RASAL2: variants seen among roughly 807,000 people sequenced by gnomAD.
RASAL2 encodes RAS protein activator like 2.
RASAL2 carries 58 observed loss-of-function variants against 128.9 expected under a neutral mutation model. The observed-to-expected ratio is 0.45, with a 90% CI of 0.36 to 0.56. RASAL2 has a LOEUF of 0.56. Ranked by LOEUF, RASAL2 falls within the 20% of genes least tolerant of loss-of-function variation. The probability of loss-of-function intolerance (pLI) is 0.00; values close to 1 mark genes in which losing one functional copy is unlikely to be tolerated. For synonymous variants in RASAL2, 561 were observed against 580.8 expected, an observed-to-expected ratio of 0.97 and a Z score of 0.49; for missense variants, 1,360 against 1,601.6, an observed-to-expected ratio of 0.85 and a Z score of 2.57.
intron 4 of RASAL2, among the ~76,000 whole-genome samples, chr1:178,411,325 C>T (rs973016199): frequency 2.0e-5 from 3 of 152,118 alleles, no homozygotes; most frequent in Non-Finnish European, 4.4e-5. Flanking sequence ...TGTATGTTCT[C>T]ACTTATAAGT....
At chr1:178,223,607 G>A (rs1663690733) in intron 1 of RASAL2, among the ~76,000 whole-genome samples, 1 of 152,136 alleles carries the variant, frequency 6.6e-6, no homozygotes, top group Non-Finnish European at 1.5e-5. Flanking sequence ...GGAAACCATT[G>A]AATAGTTCCA....
chr1:178,451,481 A>G, intron 9 of RASAL2, 90 bp from the exon 10 acceptor site: 1 of 1,332,686 alleles, frequency 7.5e-7, no homozygotes. Flanking sequence ...ATTCCCCATT[A>G]TACGTTTTAG....
At chr1:178,301,194 A>T (rs1050149492) in intron 3 of RASAL2, among the ~76,000 whole-genome samples, 1 of 152,116 alleles carries the variant, frequency 6.6e-6, no homozygotes, top group Non-Finnish European at 1.5e-5. Flanking sequence ...ACTTTTTTCC[A>T]AGGAGCCACC....
intron 1 of RASAL2, among the ~76,000 whole-genome samples, chr1:178,122,804 T>G (rs963409274): frequency 3.3e-5 from 5 of 151,336 alleles, no homozygotes; most frequent in Non-Finnish European, 7.4e-5. Context: ...GCCTAGCTAT[T>G]CATCATAAAA....
At chr1:178,145,566 A>AAG (rs1660706102) in intron 1 of RASAL2, among the ~76,000 whole-genome samples, 1 of 151,410 alleles carries the variant, frequency 6.6e-6, no homozygotes, top group Admixed American at 6.6e-5. Flanking sequence ...AAAAAAAAAA[A>AAG]AAAAGGGGGA....
rs867288355 is a variant in RASAL2 at position 178,378,855 on chromosome 1, A to G, written c.458-11245A>G. 2.6e-5 allele frequency among the ~76,000 whole-genome samples: 4 copies of G among 152,284 alleles called. No homozygotes were observed. In the South Asian group the frequency reaches 8.3e-4, roughly 32 times the overall value. ...AATCAATGAGCTAAGCGTTTAACTC[A>G]ACAAGTTAGATAATAACAAACCCAA... On this transcript the variant is annotated intron_variant, in intron 3 of 17. Transcript: ENST00000367649.
At chr1:178,356,309 G>A (rs1670809197) in intron 3 of RASAL2, among the ~76,000 whole-genome samples, 1 of 152,006 alleles carries the variant, frequency 6.6e-6, no homozygotes, top group African/African-American at 2.4e-5. Flanking sequence ...GTAAAAACTT[G>A]TACAGTTTCA....
rs201841559 is a variant in RASAL2, at chr1:178,465,802, T to TAA, written c.3388-111_3388-110dup. ...CTACACTGCTTAGGGTTTCTTTTGTTAAAAAAAAGAAAAAAGAAAAAGAAA... is the reference window on the plus strand; with the variant it reads ...CTACACTGCTTAGGGTTTCTTTTGTTAAAAAAAAAAGAAAAAAGAAAAAGAAA... On this transcript the variant is annotated intron_variant, in intron 15 of 17. Coordinates refer to ENST00000367649, the MANE Select transcript of RASAL2 (RefSeq NM_170692.4). 2.5e-4 allele frequency: 245 copies of TAA among 985,592 alleles called. 1 individual carries two copies. In the African/African-American group the frequency reaches 3.6e-3, roughly 15 times the overall value. 61.1% of individuals were successfully genotyped at this position (985,592 alleles called of 1,614,324 possible).
At chr1:178,454,196 T>TAAAAAAAAAA (rs56786408) in intron 11 of RASAL2, among the ~76,000 whole-genome samples, 1 of 80,236 alleles carries the variant, frequency 1.2e-5, no homozygotes, top group Admixed American at 1.3e-4. Context: ...ATCCCAGAAC[T>TAAAAAAAAAA]AAAAAAAAAA....
chr1:178,217,451 A>G (rs1663460064), intron 1 of RASAL2, among the ~76,000 whole-genome samples: 1 of 152,210 alleles, frequency 6.6e-6, no homozygotes, highest in South Asian at 2.1e-4. Context: ...ATCACCACCC[A>G]AAGTTCATAA....
intron 4 of RASAL2, among the ~76,000 whole-genome samples, chr1:178,394,748 A>G (rs1318860646): frequency 1.3e-5 from 2 of 152,238 alleles, no homozygotes; most frequent in Non-Finnish European, 2.9e-5. Context: ...TCCAGAAAGC[A>G]TAATTGAACT....
At chr1:178,470,788 T>G (rs1648185453) in intron 17 of RASAL2, 1 of 1,228,604 alleles carries the variant, frequency 8.1e-7, no homozygotes, top group Non-Finnish European at 1.1e-6. Context: ...TGCACTGGCC[T>G]CCTACACATT....
In RASAL2 at chr1:178,094,269, C is replaced by T. The variant is rs1444868092; in HGVS notation, c.-224C>T. On this transcript the variant is annotated 5_prime_UTR_variant, in exon 1 of 18. Coordinates refer to ENST00000367649, the MANE Select transcript of RASAL2 (RefSeq NM_170692.4). ...CTTGGTCGGGGCCACGCTGGATCCT[C>T]CTCCCGGCCTGGGTCCCGCCCGCCG... is the stretch of plus-strand genomic sequence containing the variant. 5.6e-6 allele frequency: 3 copies of T among 538,010 alleles called. No individual in the cohort carries two copies. Among genetic ancestry groups the T allele is most frequent in the Non-Finnish European group, 3.2e-6 (1 of 310,528 alleles). 33.3% of individuals were successfully genotyped at this position (538,010 alleles called of 1,614,324 possible).
intron 9 of RASAL2, among the ~76,000 whole-genome samples, chr1:178,445,875 C>G (rs564950312): frequency 2.0e-5 from 3 of 152,148 alleles, no homozygotes; most frequent in Non-Finnish European, 4.4e-5. Flanking sequence ...TCAGCATACA[C>G]TGCTACCCCA....
chr1:178,400,058 G>C (rs1447144838), intron 4 of RASAL2, among the ~76,000 whole-genome samples: 1 of 152,022 alleles, frequency 6.6e-6, no homozygotes, highest in Non-Finnish European at 1.5e-5. Flanking sequence ...CCCTTCATTT[G>C]AATGTCTTCA....
intron 3 of RASAL2, among the ~76,000 whole-genome samples, chr1:178,356,492 T>G (rs1429144562): frequency 6.6e-6 from 1 of 151,996 alleles, no homozygotes; most frequent in Non-Finnish European, 1.5e-5. Context: ...AAAAGTGACA[T>G]CATCATGTAG....
chr1:178,116,726 C>T (rs1011064103), intron 1 of RASAL2, among the ~76,000 whole-genome samples: 8 of 152,162 alleles, frequency 5.3e-5, no homozygotes, highest in Admixed American at 3.3e-4. Flanking sequence ...TCTCCTGCCT[C>T]AGCCTCCTGA....
chr1:178,420,748 C>A, intron 5 of RASAL2, 128 bp downstream of exon 5: 1 of 662,532 alleles, frequency 1.5e-6, no homozygotes, highest in South Asian at 2.4e-5. Flanking sequence ...ACTTTTATGT[C>A]GTGTTCATAT....
chr1:178,367,967 T>TA (rs1381219532), intron 3 of RASAL2, among the ~76,000 whole-genome samples: 1 of 152,004 alleles, frequency 6.6e-6, no homozygotes, highest in African/African-American at 2.4e-5. Flanking sequence ...CCTTTTTTTG[T>TA]AAAAAAATTT....
Sources: allele counts gnomAD v4.1 joint callset (sites outside exome capture counted in the v4.1 genomes callset), GRCh38; gene constraint gnomAD v4.1.1; transcripts MANE v1.5; gene names NCBI Gene and HGNC (gene_info 2026-07-23, HGNC 2026-07-21).